The following CDK14 variants were observed in gnomAD, a reference collection of about 807,000 sequenced individuals.
CDK14 encodes cyclin-dependent kinase 14.
A neutral mutation model predicts 60.7 loss-of-function variants in CDK14; 34 were observed. That is an observed-to-expected ratio of 0.56 (90% CI 0.43 to 0.75). The LOEUF (loss-of-function observed/expected upper bound fraction) is 0.75, where lower values mean the gene tolerates loss of function less well. Ranked by LOEUF, CDK14 falls within the 30% of genes least tolerant of loss-of-function variation. The pLI is 0.00. For synonymous variants in CDK14, 197 were observed against 203.7 expected (o/e 0.97, Z 0.28); for missense variants, 482 against 564.1 (o/e 0.85, Z 1.47).
At chr7:90,796,189 G>A (rs763833375) in intron 5 of CDK14, among the ~76,000 whole-genome samples, 4 of 152,132 alleles carry the variant, frequency 2.6e-5, no homozygotes, top group Non-Finnish European at 5.9e-5. Flanking sequence ...ATCTTGTTCT[G>A]TGGGTTAGAG....
chr7:90,817,582 G>A (rs1033929038), intron 5 of CDK14, among the ~76,000 whole-genome samples: 1 of 152,116 alleles, frequency 6.6e-6, no homozygotes, highest in Non-Finnish European at 1.5e-5. Context: ...TTTTCTGTAG[G>A]AATTTTTGTT....
intron 4 of CDK14, among the ~76,000 whole-genome samples, chr7:90,757,613 T>A (rs1211484207): frequency 1.3e-5 from 2 of 152,024 alleles, no homozygotes; most frequent in South Asian, 4.1e-4. Flanking sequence ...TTTTTTTTGT[T>A]TGAGACAGGG....
intron 10 of CDK14, among the ~76,000 whole-genome samples, chr7:91,024,107 C>T (rs1371350880): frequency 7.7e-6 from 1 of 130,400 alleles, no homozygotes; most frequent in East Asian, 2.1e-4. Flanking sequence ...AGCAACCCAT[C>T]CAAAATGATG....
chr7:90,775,070 C>T (rs1230548699), intron 4 of CDK14, among the ~76,000 whole-genome samples: 1 of 151,990 alleles, frequency 6.6e-6, no homozygotes, highest in Non-Finnish European at 1.5e-5. Flanking sequence ...CTTGACTTTT[C>T]TTGTGTGATC....
chr7:90,597,079 G>T (rs186749343), intron 1 of CDK14: 100 of 249,362 alleles, frequency 4.0e-4, no homozygotes, highest in African/African-American at 2.0e-3. Flanking sequence ...TATTTTTTGC[G>T]CACAGGCTTG....
At chr7:91,124,442 T>C (rs1799878491) in intron 14 of CDK14, among the ~76,000 whole-genome samples, 2 of 152,060 alleles carry the variant, frequency 1.3e-5, no homozygotes, top group Non-Finnish European at 2.9e-5. Context: ...TGTGTTTTTC[T>C]TAAAAACAAA....
chr7:90,646,925 A>G (rs1477690234), intron 2 of CDK14, among the ~76,000 whole-genome samples: 2 of 152,184 alleles, frequency 1.3e-5, no homozygotes, highest in Non-Finnish European at 2.9e-5. Flanking sequence ...TTATAATACT[A>G]TATATATTGC....
At chr7:90,998,645 T>A (rs1006672015) in intron 10 of CDK14, among the ~76,000 whole-genome samples, 1 of 152,166 alleles carries the variant, frequency 6.6e-6, no homozygotes, top group African/African-American at 2.4e-5. Context: ...TCCTAGCACT[T>A]TGGGAGGCCC....
chr7:91,056,117 T>C (rs1042693361), intron 11 of CDK14, among the ~76,000 whole-genome samples: 1 of 152,178 alleles, frequency 6.6e-6, no homozygotes, highest in Non-Finnish European at 1.5e-5. Flanking sequence ...AGTTTGGATG[T>C]AAAACAAGAA....
Position 90,668,258 on chromosome 7 carries a change from A to G in CDK14, c.124-58309A>G, listed in dbSNP as rs546425596. ...TTGTGATTTTTATTTGTGTTTCCCT[A>G]CTGACTAATGATGTTAAGCACTTTT... On this transcript the variant is annotated intron_variant, in intron 2 of 14. Coordinates refer to ENST00000380050, the MANE Select transcript of CDK14 (RefSeq NM_001287135.2). Among the ~76,000 whole-genome samples the G allele has an allele frequency of 5.9e-5, 9 of 152,272 alleles. No individual in the cohort carries two copies. The South Asian group carries it at 1.9e-3, about 32-fold the overall frequency.
intron 9 of CDK14, among the ~76,000 whole-genome samples, chr7:90,968,404 A>G (rs934364124): frequency 1.3e-5 from 2 of 152,246 alleles, no homozygotes; most frequent in Admixed American, 1.3e-4. Flanking sequence ...AGTATGTGAC[A>G]GTCGCTTAGT....
intron 8 of CDK14, among the ~76,000 whole-genome samples, chr7:90,952,971 CT>C (rs1794306636): frequency 6.6e-6 from 1 of 152,060 alleles, no homozygotes; most frequent in Admixed American, 6.6e-5. Flanking sequence ...TATATTTATA[CT>C]TCAAAGTCTC....
chr7:90,692,748 C>T (rs1801577501), intron 2 of CDK14: 1 of 732,182 alleles, frequency 1.4e-6, no homozygotes, highest in Admixed American at 6.3e-5. Flanking sequence ...AAGTAAATGA[C>T]ACATATTGTT....
At chr7:90,642,970 G>C (rs1359296982) in intron 2 of CDK14, among the ~76,000 whole-genome samples, 1 of 152,210 alleles carries the variant, frequency 6.6e-6, no homozygotes, top group Non-Finnish European at 1.5e-5. Flanking sequence ...GAGATGCAAA[G>C]TGAGAAAGGC....
chr7:90,677,894 C>G (rs1801233425), intron 2 of CDK14, among the ~76,000 whole-genome samples: 1 of 152,158 alleles, frequency 6.6e-6, no homozygotes, highest in Admixed American at 6.5e-5. Context: ...CATGTCGTTT[C>G]TTTAGGCTGT....
intron 6 of CDK14, among the ~76,000 whole-genome samples, chr7:90,886,746 G>A (rs575823451): frequency 6.6e-6 from 1 of 152,214 alleles, no homozygotes; most frequent in East Asian, 1.9e-4. Flanking sequence ...CATCAGTGAT[G>A]TTTGCCAAAT....
At chr7:90,916,957 T>C (rs1793101442) in intron 7 of CDK14, among the ~76,000 whole-genome samples, 1 of 152,232 alleles carries the variant, frequency 6.6e-6, no homozygotes, top group African/African-American at 2.4e-5. Flanking sequence ...CCCTTTAGGA[T>C]GGGTTTGCTC....
intron 12 of CDK14, among the ~76,000 whole-genome samples, chr7:91,101,859 T>G (rs769528570): frequency 2.1e-4 from 31 of 149,744 alleles, no homozygotes; most frequent in Non-Finnish European, 4.7e-4. Context: ...TTGCTAAAAG[T>G]AAGTCATTTT....
At chr7:90,712,681 TTATC>T (rs1313587336) in intron 2 of CDK14, among the ~76,000 whole-genome samples, 1 of 152,106 alleles carries the variant, frequency 6.6e-6, no homozygotes, top group Non-Finnish European at 1.5e-5. Flanking sequence ...TTTCATATAT[TTATC>T]TATGGATGTA....
Sources: gnomAD v4.1 joint callset for allele counts (sites outside exome capture counted in the v4.1 genomes callset) on GRCh38, gnomAD v4.1.1 for gene constraint, MANE v1.5 for transcripts, NCBI Gene and HGNC (gene_info 2026-07-23, HGNC 2026-07-21) for gene names.